The following PLAA variants were observed in gnomAD, a reference collection of about 807,000 sequenced individuals.
PLAA encodes the protein phospholipase A2 activating protein, also known as phospholipase A-2-activating protein.
Under a neutral mutation model 84.1 loss-of-function variants are expected in PLAA, and 48 were observed. That is an observed-to-expected ratio of 0.57 (90% CI 0.45 to 0.73). The LOEUF is 0.73. Ranked by LOEUF, PLAA falls within the 30% of genes least tolerant of loss-of-function variation. PLAA has a pLI of 0.00. For missense variants in PLAA, 903 were observed against 954.7 expected (o/e 0.95, Z 0.71); for synonymous variants, 392 against 336.6 (o/e 1.16, Z -1.80).
chr9:26,928,497 A>T, intron 2 of PLAA, 89 bp from the exon 3 acceptor site: 3 of 915,056 alleles, frequency 3.3e-6, no homozygotes, highest in Non-Finnish European at 5.3e-6. Context: ...TTTTAAAAAC[A>T]CTCTTTGAAG....
intron 10 of PLAA, among the ~76,000 whole-genome samples, chr9:26,914,951 G>A (rs1192410729): frequency 1.3e-5 from 2 of 152,198 alleles, no homozygotes; most frequent in East Asian, 3.9e-4. Flanking sequence ...GGTGGCTCAC[G>A]CCTGTAAACC....
chr9:26,940,542 A>C (rs1321367405), intron 1 of PLAA, among the ~76,000 whole-genome samples: 1 of 152,242 alleles, frequency 6.6e-6, no homozygotes, highest in African/African-American at 2.4e-5. Flanking sequence ...TTCAGTGTAA[A>C]GAGATAAAAA....
chr9:26,905,449 C>A lies in PLAA; in HGVS notation c.*62G>T. Reference sequence around the variant, plus strand: ...CTTTTTTTAATTATCTGTTATCAGTCATGTCAAATGTGAGGAAAAAAACAC... The same window carrying A: ...CTTTTTTTAATTATCTGTTATCAGTAATGTCAAATGTGAGGAAAAAAACAC... On this transcript the variant is annotated 3_prime_UTR_variant, in exon 14 of 14. Transcript: ENST00000397292. 2 of 1,171,234 alleles carry A rather than the reference C, an allele frequency of 1.7e-6. No homozygotes were observed. Among genetic ancestry groups the A allele is most frequent in the South Asian group, 1.5e-5 (1 of 67,490 alleles). The allele number at this position is 1,171,234 out of a possible 1,614,324, so 72.6% of individuals were successfully genotyped here. A position where few individuals can be genotyped will look rare whatever the true frequency, so the allele number is the denominator to read the frequency against.
chr9:26,913,655 T>C (rs973086585), intron 11 of PLAA, among the ~76,000 whole-genome samples: 1 of 152,166 alleles, frequency 6.6e-6, no homozygotes, highest in Non-Finnish European at 1.5e-5. Flanking sequence ...TAAGCATCTC[T>C]GGGGATAAGG....
At chr9:26,932,217 T>A (rs62544447) in intron 2 of PLAA, among the ~76,000 whole-genome samples, 47,292 of 152,136 alleles carry the variant, frequency 0.31, 8,734 homozygotes, top group East Asian at 0.69. Context: ...TGGATGTTTT[T>A]GTTTTGTTTT....
chr9:26,932,578 T>G (rs1018061209), intron 2 of PLAA, among the ~76,000 whole-genome samples: 2 of 152,220 alleles, frequency 1.3e-5, no homozygotes, highest in Non-Finnish European at 2.9e-5. Flanking sequence ...AAAATTTATT[T>G]ACTATCTGAT....
chr9:26,935,354 T>TATATGAAC, intron 1 of PLAA, 148 bp from the exon 2 acceptor site: 1 of 477,656 alleles, frequency 2.1e-6, no homozygotes, highest in Non-Finnish European at 3.6e-6. Flanking sequence ...AAATTGAACC[T>TATATGAAC]TACATAATTC....
At chr9:26,916,172 A>C in intron 10 of PLAA, 1 of 983,880 alleles carries the variant, frequency 1.0e-6, no homozygotes, top group Non-Finnish European at 1.2e-6. Flanking sequence ...CTAACGTTGT[A>C]TGTTTGTCCA....
chr9:26,945,261 T>C (rs2131435109), intron 1 of PLAA, among the ~76,000 whole-genome samples: 1 of 152,236 alleles, frequency 6.6e-6, no homozygotes, highest in South Asian at 2.1e-4. Context: ...ACTAGTACAG[T>C]CCCAAAAGTT....
intron 9 of PLAA, among the ~76,000 whole-genome samples, chr9:26,917,720 C>T (rs7871286): frequency 0.2 from 31,119 of 152,046 alleles, 3,773 homozygotes; most frequent in African/African-American, 0.33. Context: ...AGGAAAGAGA[C>T]TTCCATTTAT....
At chr9:26,911,746 C>T (rs559007497) in intron 11 of PLAA, among the ~76,000 whole-genome samples, 4 of 152,324 alleles carry the variant, frequency 2.6e-5, no homozygotes, top group African/African-American at 9.6e-5. Context: ...ATCTAATTTA[C>T]ATCTCACATT....
At chr9:26,919,241 T>A (rs1407448545) in intron 9 of PLAA, 69 bp downstream of exon 9, 2 of 947,186 alleles carry the variant, frequency 2.1e-6, no homozygotes, top group African/African-American at 1.6e-5. Context: ...ACATGACTAT[T>A]TGAAAACATC....
chr9:26,910,832 A>C lies in PLAA; in HGVS notation c.1556-393T>G, dbSNP rs933590781. On this transcript the variant is annotated intron_variant, in intron 11 of 13. Coordinates refer to ENST00000397292, the MANE Select transcript of PLAA (RefSeq NM_001031689.3). The stretch of plus-strand genomic sequence containing the variant: ...GCCACCGAGCCTGGTCTAAGATTAA[A>C]TCTAAATTATAAATTTTAAAAAAGT... Among the ~76,000 whole-genome samples, 3 of 152,046 alleles carry C rather than the reference A, an allele frequency of 2.0e-5. No individual in the cohort carries two copies. The East Asian group carries it at 5.8e-4, about 29-fold the overall frequency.
chr9:26,925,373 T>C (rs1824910708), intron 6 of PLAA, among the ~76,000 whole-genome samples: 1 of 152,248 alleles, frequency 6.6e-6, no homozygotes, highest in African/African-American at 2.4e-5. Context: ...ATCTCAGCAT[T>C]AGTACTCCAC....
chr9:26,933,616 G>A (rs1044020587), intron 2 of PLAA, among the ~76,000 whole-genome samples: 1 of 151,324 alleles, frequency 6.6e-6, no homozygotes, highest in African/African-American at 2.4e-5. Context: ...GTAAAACCCT[G>A]TCTCTACTAA....
chr9:26,910,867 C>T (rs1204124133), intron 11 of PLAA, among the ~76,000 whole-genome samples: 1 of 152,012 alleles, frequency 6.6e-6, no homozygotes, highest in Admixed American at 6.6e-5. Flanking sequence ...TCAAAGAATA[C>T]CATATGATTA....
chr9:26,923,923 T>C (rs1268274968), intron 6 of PLAA, among the ~76,000 whole-genome samples: 1 of 152,176 alleles, frequency 6.6e-6, no homozygotes, highest in East Asian at 1.9e-4. Flanking sequence ...AATTAGACAC[T>C]TCCAACTGTA....
chr9:26,935,566 T>C (rs773351905), intron 1 of PLAA, among the ~76,000 whole-genome samples: 37 of 152,140 alleles, frequency 2.4e-4, no homozygotes, highest in Non-Finnish European at 1.3e-4. Flanking sequence ...GAAACATACA[T>C]GCAATTAAGA....
rs1316880695 is a variant in PLAA, at chr9:26,904,031, G to A, written c.*1480C>T. The A allele has an allele frequency of 2.0e-5, 3 of 153,556 alleles. No homozygotes were observed. The highest frequency in any genetic ancestry group is 4.4e-5 in the Non-Finnish European group (3 of 67,998). The allele number at this position is 153,556 out of a possible 1,614,324, so 9.5% of individuals were successfully genotyped here. On this transcript the variant is annotated 3_prime_UTR_variant, in exon 14 of 14. Transcript: ENST00000397292. ...ACCCAATCAAAAAACGAAAAGTATA[G>A]GTACTCAACTGAGCCAGTGAACAGA...
Sources: allele counts gnomAD v4.1 joint callset (sites outside exome capture counted in the v4.1 genomes callset), GRCh38; gene constraint gnomAD v4.1.1; transcripts MANE v1.5; gene names NCBI Gene and HGNC (gene_info 2026-07-23, HGNC 2026-07-21).